ATP2B2: variants seen among roughly 807,000 people sequenced by gnomAD.
ATP2B2 encodes plasma membrane calcium-transporting ATPase 2.
In ATP2B2, 15 loss-of-function variants were observed where a neutral mutation model predicts 120.0. The observed-to-expected ratio is 0.12, with a 90% confidence interval of 0.08 to 0.19. The LOEUF (loss-of-function observed/expected upper bound fraction) is 0.19. ATP2B2 is among the 10% of genes least tolerant of loss of function. The probability of loss-of-function intolerance (pLI) is 1.00; values close to 1 mark genes in which losing one functional copy is unlikely to be tolerated. For missense variants in ATP2B2, 1,045 were observed against 1,719.8 expected, an observed-to-expected ratio of 0.61 and a Z score of 6.94; for synonymous variants, 694 against 700.3, an observed-to-expected ratio of 0.99 and a Z score of 0.14.
chr3:10,645,518 C>T (rs1444665887), intron 1 of ATP2B2, among the ~76,000 whole-genome samples: 1 of 152,146 alleles, frequency 6.6e-6, no homozygotes, highest in African/African-American at 2.4e-5. Flanking sequence ...TGGACGCACA[C>T]AGATAAAGCA....
intron 2 of ATP2B2, among the ~76,000 whole-genome samples, chr3:10,423,435 C>A (rs570768764): frequency 6.6e-6 from 1 of 152,274 alleles, no homozygotes; most frequent in East Asian, 1.9e-4. Flanking sequence ...CCCACAGACA[C>A]GAGGGAAGGG....
intron 1 of ATP2B2, among the ~76,000 whole-genome samples, chr3:10,629,670 C>T (rs1193419906): frequency 6.6e-6 from 1 of 152,182 alleles, no homozygotes. Flanking sequence ...GATCCTTCCT[C>T]CAGAGTCCAG....
At chr3:10,628,674 C>CG (rs1272668196) in intron 1 of ATP2B2, among the ~76,000 whole-genome samples, 1 of 152,186 alleles carries the variant, frequency 6.6e-6, no homozygotes, top group Non-Finnish European at 1.5e-5. Context: ...GCAACTGCCA[C>CG]GGTGGGAGAC....
intron 11 of ATP2B2, among the ~76,000 whole-genome samples, chr3:10,373,592 A>G (rs1374485175): frequency 6.6e-6 from 1 of 152,260 alleles, no homozygotes; most frequent in Admixed American, 6.5e-5. Flanking sequence ...TAATTTTTAT[A>G]GTGATCACAC....
chr3:10,471,722 C>G (rs1275951028), intron 1 of ATP2B2, among the ~76,000 whole-genome samples: 5 of 152,048 alleles, frequency 3.3e-5, no homozygotes, highest in Admixed American at 3.3e-4. Flanking sequence ...TTGTGTGTGT[C>G]TGTATACATC....
chr3:10,692,639 A>G (rs1456727200), intron 1 of ATP2B2, among the ~76,000 whole-genome samples: 1 of 152,216 alleles, frequency 6.6e-6, no homozygotes, highest in East Asian at 1.9e-4. Context: ...CTTGTGGGTT[A>G]TGAACCTCCA....
chr3:10,642,938 C>T (rs1350778639), intron 1 of ATP2B2, among the ~76,000 whole-genome samples: 1 of 152,184 alleles, frequency 6.6e-6, no homozygotes, highest in African/African-American at 2.4e-5. Flanking sequence ...TAATCATTTT[C>T]CTCTAACAGG....
chr3:10,595,369 A>G (rs2068742722), intron 2 of ATP2B2, among the ~76,000 whole-genome samples: 1 of 152,192 alleles, frequency 6.6e-6, no homozygotes, highest in Admixed American at 6.5e-5. Flanking sequence ...TAAGGTCCTA[A>G]TTAGTAAGGT....
chr3:10,406,002 C>T (rs2062398055), intron 3 of ATP2B2, among the ~76,000 whole-genome samples: 1 of 152,114 alleles, frequency 6.6e-6, no homozygotes, highest in Non-Finnish European at 1.5e-5. Context: ...CCAGGTAATC[C>T]TTCATGTACA....
At chr3:10,658,881 CT>C (rs1292085950) in intron 1 of ATP2B2, among the ~76,000 whole-genome samples, 1 of 151,922 alleles carries the variant, frequency 6.6e-6, no homozygotes, top group Non-Finnish European at 1.5e-5. Flanking sequence ...GCCCATCAGA[CT>C]AACAGCGGAT....
chr3:10,443,500 G>C (rs2063735745), intron 2 of ATP2B2, among the ~76,000 whole-genome samples: 1 of 152,178 alleles, frequency 6.6e-6, no homozygotes, highest in Non-Finnish European at 1.5e-5. Flanking sequence ...GGGCTTATGA[G>C]GAAAGGCCTG....
At chr3:10,495,906 T>C (rs1289766502) in intron 1 of ATP2B2, among the ~76,000 whole-genome samples, 3 of 152,234 alleles carry the variant, frequency 2.0e-5, no homozygotes, top group East Asian at 3.8e-4. Context: ...TACCACCTTC[T>C]ACCTGGGGCT....
In ATP2B2 at chr3:10,585,411, G is replaced by A. The variant is rs572546072; in HGVS notation, c.-415+34506C>T. ...TCAGAGGCTGAGGCAGGAGAATGGC[G>A]TGAACCCGGGAGGCGGAACTTGCAG... is the stretch of plus-strand genomic sequence containing the variant. On this transcript the variant is annotated intron_variant, in intron 2 of 21. Transcript: ENST00000646379. 1.3e-4 allele frequency among the ~76,000 whole-genome samples: 19 copies of A among 149,542 alleles called. No individual in the cohort carries two copies. The South Asian group carries it at 4.1e-3, about 32-fold the overall frequency.
chr3:10,408,522 G>C (rs2062495516), intron 3 of ATP2B2, among the ~76,000 whole-genome samples: 2 of 152,176 alleles, frequency 1.3e-5, no homozygotes, highest in Non-Finnish European at 2.9e-5. Context: ...AGTGAAGCTG[G>C]ACTGTGTGAA....
At chr3:10,523,500 C>T (rs1302757706) in intron 3 of ATP2B2, among the ~76,000 whole-genome samples, 1 of 152,214 alleles carries the variant, frequency 6.6e-6, no homozygotes, top group African/African-American at 2.4e-5. Flanking sequence ...TGGTGCCCAG[C>T]CTGCTGGGCC....
chr3:10,516,408 G>C (rs1392867867), intron 3 of ATP2B2, among the ~76,000 whole-genome samples: 2 of 152,168 alleles, frequency 1.3e-5, no homozygotes, highest in Non-Finnish European at 2.9e-5. Flanking sequence ...AAAAACTGTT[G>C]GCCAGCGATC....
chr3:10,603,813 A>T (rs187584178), intron 2 of ATP2B2, among the ~76,000 whole-genome samples: 1 of 152,200 alleles, frequency 6.6e-6, no homozygotes, highest in African/African-American at 2.4e-5. Flanking sequence ...AAAAAAAACA[A>T]ATCTAAGCCC....
chr3:10,382,701 A>T (rs1163831251), intron 8 of ATP2B2, among the ~76,000 whole-genome samples: 1 of 152,134 alleles, frequency 6.6e-6, no homozygotes, highest in Non-Finnish European at 1.5e-5. Flanking sequence ...ATTACAGGTC[A>T]TGTATTACAT....
chr3:10,342,655 G>A lies in ATP2B2; in HGVS notation c.2917+97C>T. On this transcript the variant is annotated intron_variant, in intron 19 of 22. Coordinates refer to ENST00000360273, the MANE Select transcript of ATP2B2 (RefSeq NM_001001331.4). The surrounding 1 kb of genome is among the most constrained non-coding windows in gnomAD (Gnocchi z 4.4). ...CTCAATTTCCCCATTAGCAAAACAG[G>A]AGGGGGTTGTGACTCGAGAATGCTG... The A allele has an allele frequency of 7.0e-7, 1 of 1,432,544 alleles. No individual in the cohort carries two copies. Among genetic ancestry groups the A allele is most frequent in the Non-Finnish European group, 9.7e-7 (1 of 1,029,686 alleles). 88.7% of individuals were successfully genotyped at this position (1,432,544 alleles called of 1,614,324 possible).
Sources: gnomAD v4.1 joint callset for allele counts (sites outside exome capture counted in the v4.1 genomes callset) on GRCh38, gnomAD v4.1.1 for gene constraint, Gnocchi (gnomAD v3.1) non-coding constraint, MANE v1.5 for transcripts, NCBI Gene and HGNC (gene_info 2026-07-23, HGNC 2026-07-21) for gene names.